CPT1C: variants seen among roughly 807,000 people sequenced by gnomAD.
CPT1C encodes palmitoyl thioesterase CPT1C.
CPT1C carries 61 observed loss-of-function variants against 97.3 expected under a neutral mutation model. The observed-to-expected ratio is 0.63, with a 90% CI of 0.51 to 0.78. The LOEUF is 0.78. CPT1C is among the 30% of genes least tolerant of loss of function. The pLI, the probability that CPT1C is intolerant of heterozygous loss-of-function variation, is 0.00. For synonymous variants in CPT1C, 469 were observed against 447.2 expected (o/e 1.05, Z -0.61); for missense variants, 975 against 1,065.5 (o/e 0.92, Z 1.18).
chr19:49,694,598 C>T (rs965991031), intron 3 of CPT1C, among the ~76,000 whole-genome samples: 7 of 145,586 alleles, frequency 4.8e-5, no homozygotes, highest in Non-Finnish European at 9.0e-5. Context: ...CACTGCACTC[C>T]AGCCTGGGTG....
chr19:49,711,079 G>A (rs1198171800), intron 16 of CPT1C: 2 of 431,818 alleles, frequency 4.6e-6, no homozygotes, highest in East Asian at 3.8e-5. Flanking sequence ...CACTGGGGGT[G>A]CACCCAAGAA....
intron 6 of CPT1C, 30 bp from the exon 7 acceptor site, chr19:49,701,467 G>A (rs1042803899): frequency 4.4e-6 from 7 of 1,592,656 alleles, no homozygotes; most frequent in Non-Finnish European, 6.0e-6. Flanking sequence ...GGCGGGCCGG[G>A]GGCGTGACCT....
chr19:49,698,284 G>C (rs1355468570), intron 4 of CPT1C, among the ~76,000 whole-genome samples: 1 of 151,640 alleles, frequency 6.6e-6, no homozygotes, highest in East Asian at 1.9e-4. Context: ...GAGATCACCT[G>C]AGCTCAGGAG....
chr19:49,695,308 AG>A (rs2082607567), intron 3 of CPT1C, among the ~76,000 whole-genome samples: 1 of 70,572 alleles, frequency 1.4e-5, no homozygotes, highest in Non-Finnish European at 2.7e-5. Flanking sequence ...TTTGAGACGG[AG>A]TTTTGTTCTT....
rs2123057347 is a variant in CPT1C, at chr19:49,691,312, T to A, written c.-112T>A. Reference sequence around the variant, plus strand: ...GTGGACTCGGGTTTGGACCCCAGGATCCGATCAGCGGACCCTTGATTCAAC... The same window carrying A: ...GTGGACTCGGGTTTGGACCCCAGGAACCGATCAGCGGACCCTTGATTCAAC... On this transcript the variant is annotated 5_prime_UTR_variant, in exon 1 of 20. Coordinates refer to ENST00000598293, the MANE Select transcript of CPT1C (RefSeq NM_001199753.2). The A allele has an allele frequency of 6.6e-6, 1 of 152,016 alleles. No homozygotes were observed. The highest frequency in any genetic ancestry group is 3.4e-3 in the Middle Eastern group (1 of 298). 9.4% of individuals were successfully genotyped at this position (152,016 alleles called of 1,614,324 possible).
intron 9 of CPT1C, 46 bp downstream of exon 9, chr19:49,705,160 C>G: frequency 1.2e-6 from 2 of 1,613,488 alleles, no homozygotes; most frequent in South Asian, 2.2e-5. Flanking sequence ...GGTCCTGTGG[C>G]CTTTGGGCCA....
At chr19:49,693,350 G>T (rs1280365179) in intron 3 of CPT1C, among the ~76,000 whole-genome samples, 1 of 152,076 alleles carries the variant, frequency 6.6e-6, no homozygotes, top group East Asian at 1.9e-4. Context: ...GTGGGGTCAT[G>T]ATTGAGTTTG....
intron 3 of CPT1C, among the ~76,000 whole-genome samples, chr19:49,693,989 C>T (rs1387797577): frequency 2.0e-5 from 3 of 151,712 alleles, no homozygotes; most frequent in Admixed American, 6.6e-5. Flanking sequence ...GGCGTGAATC[C>T]GGGAGGCGGA....
intron 7 of CPT1C, 69 bp downstream of exon 7, chr19:49,701,703 G>A (rs1213681184): frequency 6.7e-7 from 1 of 1,483,126 alleles, no homozygotes; most frequent in Non-Finnish European, 9.0e-7. Flanking sequence ...TGCTAAACTT[G>A]CGAGTTATAC....
chr19:49,698,820 C>T (rs759164662), intron 4 of CPT1C, among the ~76,000 whole-genome samples: 1 of 151,448 alleles, frequency 6.6e-6, no homozygotes, highest in Admixed American at 6.6e-5. Flanking sequence ...TCCTGCCTGT[C>T]GGCGGGATGT....
rs2083034410 is a variant in CPT1C, at chr19:49,701,259, C to T, written c.454-58C>T. 3.4e-6 allele frequency: 5 copies of T among 1,466,296 alleles called. No homozygotes were observed. In the African/African-American group the frequency reaches 4.2e-5, roughly 12 times the overall value. The allele number at this position is 1,466,296 out of a possible 1,614,324, so 90.8% of individuals were successfully genotyped here. A position where few individuals can be genotyped will look rare whatever the true frequency, so the allele number is the denominator to read the frequency against. On this transcript the variant is annotated intron_variant, in intron 5 of 19. Transcript: ENST00000598293. ...TTTCTGTCCCACTGTCGACCCCTGC[C>T]CCGTCAACTCCCTGGCTCCGGTGAG... is the stretch of plus-strand genomic sequence containing the variant.
chr19:49,713,080 A>C lies in CPT1C; in HGVS notation c.2226+16A>C. The C allele has an allele frequency of 1.9e-6, 3 of 1,598,032 alleles. No individual in the cohort carries two copies. Among genetic ancestry groups the C allele is most frequent in the Non-Finnish European group, 2.6e-6 (3 of 1,165,390 alleles). ...CACAAAAACGGTGAGACAAACGTGTATACCCACCAACTCCCTCTTTCCTCA... is the reference window on the plus strand; with the variant it reads ...CACAAAAACGGTGAGACAAACGTGTCTACCCACCAACTCCCTCTTTCCTCA... On this transcript the variant is annotated intron_variant, in intron 19 of 19. Coordinates refer to ENST00000598293, the MANE Select transcript of CPT1C (RefSeq NM_001199753.2).
chr19:49,693,562 A>G (rs2082470911), intron 3 of CPT1C, among the ~76,000 whole-genome samples: 1 of 152,134 alleles, frequency 6.6e-6, no homozygotes, highest in African/African-American at 2.4e-5. Context: ...TTCATTCACC[A>G]TATATTTATG....
chr19:49,704,542 C>T, intron 7 of CPT1C, 168 bp from the exon 8 acceptor site: 1 of 628,146 alleles, frequency 1.6e-6, no homozygotes, highest in Non-Finnish European at 2.9e-6. Flanking sequence ...TAACTGATCC[C>T]CCATGGATGG....
rs1555779079 is a variant in CPT1C, at chr19:49,702,007, A to AATATATTTATTTATAAAT, written c.693+374_693+391dup. 4.7e-5 allele frequency among the ~76,000 whole-genome samples: 2 copies of AATATATTTATTTATAAAT among 42,218 alleles called. 1 individual carries two copies. Among genetic ancestry groups the AATATATTTATTTATAAAT allele is most frequent in the African/African-American group, 2.4e-4 (2 of 8,356 alleles). The allele number at this position is 42,218 out of a possible 152,430, so 27.7% of individuals were successfully genotyped here. A position where few individuals can be genotyped will look rare whatever the true frequency, so the allele number is the denominator to read the frequency against. The stretch of plus-strand genomic sequence containing the variant: ...ATATATAAATATTATAAATATATTA[A>AATATATTTATTTATAAAT]ATATATTTATTTATAAATTATAAAT... On this transcript the variant is annotated intron_variant, in intron 7 of 19. Coordinates refer to ENST00000598293, the MANE Select transcript of CPT1C (RefSeq NM_001199753.2).
At chr19:49,702,627 A>G (rs2083242801) in intron 7 of CPT1C, among the ~76,000 whole-genome samples, 1 of 147,334 alleles carries the variant, frequency 6.8e-6, no homozygotes, top group African/African-American at 2.5e-5. Context: ...CTCAAAAAAA[A>G]AAAAAGAAAA....
In CPT1C at chr19:49,710,376, C is replaced by T. The variant is rs377075105; in HGVS notation, c.1623C>T (p.Val541=). The change falls in exon 15 of 20, where the codon GTC becomes GTT. Residue 541 remains valine (V), a synonymous_variant. Transcript: ENST00000598293. ...LRGAKILSEN[V]DCHVVPFSLF... ...GAGCCAAGATCTTGTCTGAAAATGT[C>T]GACTGCCATGTCGTTCCATTCTCCC... The T allele has an allele frequency of 2.2e-5, 36 of 1,614,004 alleles. No homozygotes were observed. The highest frequency in any genetic ancestry group is 7.7e-5 in the South Asian group (7 of 91,076).
rs752817309 is a variant in CPT1C, at chr19:49,710,587, C to T, written c.1731+103C>T. ...CCTTGTGGTCGCTGCCATTGTGGGTCGGCCATCTTGAATTCTCTCTTCCAA... is the reference window on the plus strand; with the variant it reads ...CCTTGTGGTCGCTGCCATTGTGGGTTGGCCATCTTGAATTCTCTCTTCCAA... On this transcript the variant is annotated intron_variant, in intron 15 of 19. Transcript: ENST00000598293. 78 of 1,568,140 alleles carry T rather than the reference C, an allele frequency of 5.0e-5. No homozygotes were observed. The Admixed American group carries it at 5.6e-4, about 11-fold the overall frequency.
rs549984351 is a variant in CPT1C, at chr19:49,700,822, C to T, written c.420C>T (p.His140=). Reference sequence around the variant, plus strand: ...ACCACGGCTGGCTTCTTGAGCCCCACGGAGCCATGTCCTCCCCCACCAAGA... The same window carrying T: ...ACCACGGCTGGCTTCTTGAGCCCCATGGAGCCATGTCCTCCCCCACCAAGA... ...LSYHGWLLEP[H]GAMSSPTKTW... The change falls in exon 5 of 20, where the codon CAC becomes CAT. Residue 140 remains histidine, a synonymous_variant. Transcript: ENST00000598293. 104 of 1,613,108 alleles carry T rather than the reference C, an allele frequency of 6.4e-5. 1 individual carries two copies. In the Middle Eastern group the frequency reaches 9.9e-4, roughly 15 times the overall value.
Sources: allele counts gnomAD v4.1 joint callset (sites outside exome capture counted in the v4.1 genomes callset), GRCh38; gene constraint gnomAD v4.1.1; transcripts MANE v1.5; gene names NCBI Gene and HGNC (gene_info 2026-07-23, HGNC 2026-07-21).